BACH2: variants seen among roughly 807,000 people sequenced by gnomAD.
BACH2 encodes the protein BACH transcriptional regulator 2.
BACH2 carries 5 observed loss-of-function variants against 61.8 expected under a neutral mutation model. The observed-to-expected ratio is 0.08, with a 90% confidence interval of 0.04 to 0.17. The LOEUF (loss-of-function observed/expected upper bound fraction) is 0.17, where lower values mean the gene tolerates loss of function less well. Ranked by LOEUF, BACH2 falls within the 10% of genes least tolerant of loss-of-function variation. The probability of loss-of-function intolerance (pLI) is 1.00; values close to 1 mark genes in which losing one functional copy is unlikely to be tolerated. For missense variants in BACH2, 824 were observed against 1,091.1 expected (o/e 0.76, Z 3.45); for synonymous variants, 446 against 440.1 (o/e 1.01, Z -0.17).
At chr6:90,183,291 T>A (rs1031477775) in intron 4 of BACH2, among the ~76,000 whole-genome samples, 3 of 152,236 alleles carry the variant, frequency 2.0e-5, no homozygotes, top group Non-Finnish European at 4.4e-5. Flanking sequence ...TCAACCAGAT[T>A]TATCATTATG....
At chr6:90,110,411 T>G (rs1016708371) in intron 4 of BACH2, among the ~76,000 whole-genome samples, 1 of 152,248 alleles carries the variant, frequency 6.6e-6, no homozygotes, top group Non-Finnish European at 1.5e-5. Context: ...CATTACCCAT[T>G]TGGTCATTTG....
intron 5 of BACH2, among the ~76,000 whole-genome samples, chr6:90,028,821 C>T (rs977366368): frequency 2.0e-5 from 3 of 152,222 alleles, no homozygotes; most frequent in African/African-American, 7.2e-5. Flanking sequence ...TCACTAGCTG[C>T]AAAACCTTGC....
intron 6 of BACH2, among the ~76,000 whole-genome samples, chr6:89,982,783 A>C (rs1776030301): frequency 6.6e-6 from 1 of 152,214 alleles, no homozygotes; most frequent in South Asian, 2.1e-4. Context: ...TAAGTAACTT[A>C]ATCAAGGTTA....
chr6:90,207,053 T>C (rs1354688220), intron 3 of BACH2, among the ~76,000 whole-genome samples: 1 of 152,154 alleles, frequency 6.6e-6, no homozygotes, highest in Non-Finnish European at 1.5e-5. Context: ...TTTTGATTCA[T>C]ATGAATTACA....
chr6:89,945,663 C>T (rs1773678359), intron 7 of BACH2, among the ~76,000 whole-genome samples: 1 of 152,120 alleles, frequency 6.6e-6, no homozygotes. Context: ...ATATCAACAA[C>T]CACTGAATTG....
chr6:90,115,214 T>C (rs1411514525), intron 4 of BACH2, among the ~76,000 whole-genome samples: 8 of 151,920 alleles, frequency 5.3e-5, no homozygotes, highest in African/African-American at 1.7e-4. Flanking sequence ...AAATAGCCAA[T>C]GCAATCCTAA....
intron 6 of BACH2, among the ~76,000 whole-genome samples, chr6:89,957,203 C>A (rs1774471880): frequency 6.6e-6 from 1 of 152,216 alleles, no homozygotes; most frequent in Admixed American, 6.5e-5. Context: ...TCTCTTACTG[C>A]ACTGCAACCC....
chr6:90,258,723 G>A (rs1188422108), intron 2 of BACH2, among the ~76,000 whole-genome samples: 1 of 151,848 alleles, frequency 6.6e-6, no homozygotes, highest in Non-Finnish European at 1.5e-5. Flanking sequence ...ATTTTTTTGT[G>A]CTTAATTTCT....
chr6:90,135,241 T>C (rs1388819875), intron 4 of BACH2, among the ~76,000 whole-genome samples: 1 of 152,218 alleles, frequency 6.6e-6, no homozygotes, highest in Admixed American at 6.5e-5. Flanking sequence ...ACTAAAACCT[T>C]ATCTCTAGCT....
chr6:90,296,527 T>A lies in BACH2; in HGVS notation c.-493A>T, dbSNP rs1772399750. ...TTTTCCGCCTCCTCTTCCCCGCGTC[T>A]TCCCGGCTCGCAGCCCCCTCCCGGC... On this transcript the variant is annotated 5_prime_UTR_variant, in exon 1 of 9. It adds an upstream start codon to the 5' untranslated region. Transcript: ENST00000257749. The A allele has an allele frequency of 6.6e-6, 1 of 151,546 alleles. No individual in the cohort carries two copies. Among genetic ancestry groups the A allele is most frequent in the Admixed American group, 6.6e-5 (1 of 15,228 alleles). 9.4% of individuals were successfully genotyped at this position (151,546 alleles called of 1,614,324 possible).
In BACH2 at chr6:89,932,287, G is replaced by A. The variant is rs866952396; in HGVS notation, c.*121C>T. ...TCGGAACAGTATTGCTGCTAAGACC[G>A]CTGTAGTGTGCACCAAATGTGTTCT... On this transcript the variant is annotated 3_prime_UTR_variant, in exon 9 of 9. Transcript: ENST00000257749. 4.6e-5 allele frequency: 60 copies of A among 1,311,216 alleles called. No homozygotes were observed. The highest frequency in any genetic ancestry group is 5.2e-4 in the Middle Eastern group (2 of 3,824). 81.2% of individuals were successfully genotyped at this position (1,311,216 alleles called of 1,614,324 possible).
At chr6:90,249,517 T>C (rs1770739732) in intron 3 of BACH2, among the ~76,000 whole-genome samples, 1 of 152,230 alleles carries the variant, frequency 6.6e-6, no homozygotes, top group Non-Finnish European at 1.5e-5. Flanking sequence ...ATGCCTGTAA[T>C]GCCAGCACTT....
intron 4 of BACH2, among the ~76,000 whole-genome samples, chr6:90,196,818 T>C (rs553621342): frequency 3.3e-5 from 5 of 152,010 alleles, no homozygotes; most frequent in African/African-American, 9.7e-5. Flanking sequence ...AGTTTGAGAG[T>C]GGTAAGAAAT....
intron 1 of BACH2, among the ~76,000 whole-genome samples, chr6:90,287,263 A>T (rs1184223977): frequency 6.6e-6 from 1 of 152,248 alleles, no homozygotes; most frequent in Non-Finnish European, 1.5e-5. Flanking sequence ...CACCATGCTG[A>T]CACCACTATG....
intron 6 of BACH2, among the ~76,000 whole-genome samples, chr6:89,954,960 G>C (rs957499642): frequency 1.3e-5 from 2 of 152,188 alleles, no homozygotes; most frequent in South Asian, 4.1e-4. Context: ...TCCCATTCTG[G>C]TTTCAGTCCT....
chr6:89,977,473 C>G (rs1775714848), intron 6 of BACH2, among the ~76,000 whole-genome samples: 1 of 152,166 alleles, frequency 6.6e-6, no homozygotes. Context: ...CTTATTCTTT[C>G]CTTATGAAAG....
At chr6:89,961,189 G>A (rs1774725830) in intron 6 of BACH2, among the ~76,000 whole-genome samples, 1 of 152,116 alleles carries the variant, frequency 6.6e-6, no homozygotes, top group African/African-American at 2.4e-5. Context: ...AGCATACGGT[G>A]AAAACAGAAA....
intron 6 of BACH2, among the ~76,000 whole-genome samples, chr6:89,998,595 CCAAA>C (rs1316581975): frequency 1.3e-5 from 2 of 152,086 alleles, no homozygotes; most frequent in African/African-American, 2.4e-5. Flanking sequence ...GGTTCAGAAC[CCAAA>C]CAAACAAGAA....
chr6:89,979,773 C>A (rs1040143600), intron 6 of BACH2, among the ~76,000 whole-genome samples: 2 of 152,186 alleles, frequency 1.3e-5, no homozygotes, highest in African/African-American at 4.8e-5. Context: ...TTACTCATAA[C>A]CTGTTTCTAG....
Sources: allele counts gnomAD v4.1 joint callset (sites outside exome capture counted in the v4.1 genomes callset), GRCh38; gene constraint gnomAD v4.1.1; transcripts MANE v1.5; gene names NCBI Gene and HGNC (gene_info 2026-07-23, HGNC 2026-07-21).